Variants in ADCY2 observed in about 807,000 individuals in gnomAD.
ADCY2 encodes the protein adenylate cyclase 2.
ADCY2 carries 31 observed loss-of-function variants against 125.2 expected under a neutral mutation model. That is an observed-to-expected ratio of 0.25 (90% CI 0.19 to 0.33). ADCY2 has a LOEUF of 0.33. Among genes scored for constraint, ADCY2 ranks in the 10% least tolerant of loss-of-function variants. ADCY2 has a pLI of 1.00. For missense variants in ADCY2, 904 were observed against 1,418.2 expected, an observed-to-expected ratio of 0.64 and a Z score of 5.82; for synonymous variants, 512 against 548.4, an observed-to-expected ratio of 0.93 and a Z score of 0.93.
intron 7 of ADCY2, among the ~76,000 whole-genome samples, chr5:7,700,644 A>G (rs1426042424): frequency 1.3e-5 from 2 of 151,260 alleles, no homozygotes; most frequent in African/African-American, 4.8e-5. Context: ...TGAAGCGACT[A>G]AAATATTAAC....
chr5:7,580,451 T>C (rs1055927136), intron 3 of ADCY2, among the ~76,000 whole-genome samples: 2 of 152,136 alleles, frequency 1.3e-5, no homozygotes, highest in African/African-American at 4.8e-5. Flanking sequence ...GCAATGTTAA[T>C]ATATTAATGA....
At chr5:7,708,099 G>A in intron 9 of ADCY2, 1 of 360,456 alleles carries the variant, frequency 2.8e-6, no homozygotes, top group Non-Finnish European at 5.0e-6. Context: ...ATGTGTGTTA[G>A]TCGGTGTATT....
chr5:7,500,968 G>T (rs1743539322), intron 2 of ADCY2, among the ~76,000 whole-genome samples: 1 of 152,128 alleles, frequency 6.6e-6, no homozygotes, highest in African/African-American at 2.4e-5. Flanking sequence ...GGAGAGCTGT[G>T]TCTCTGAAGT....
chr5:7,736,037 G>T (rs1390976651), intron 14 of ADCY2, among the ~76,000 whole-genome samples: 1 of 152,036 alleles, frequency 6.6e-6, no homozygotes, highest in Non-Finnish European at 1.5e-5. Context: ...TGGGCAAAGG[G>T]GCAAAACCCC....
At chr5:7,621,723 G>C (rs549071744) in intron 3 of ADCY2, among the ~76,000 whole-genome samples, 1 of 152,176 alleles carries the variant, frequency 6.6e-6, no homozygotes, top group Non-Finnish European at 1.5e-5. Flanking sequence ...ATAATAATTT[G>C]CTAGTAGATA....
chr5:7,511,000 T>C (rs4621529), intron 2 of ADCY2, among the ~76,000 whole-genome samples: 149,724 of 152,284 alleles, frequency 0.98, 73,655 homozygotes, highest in Middle Eastern at 1. Context: ...ACTTCCACGT[T>C]GCTGAGAACC....
chr5:7,746,893 C>T (rs760508150), intron 15 of ADCY2, among the ~76,000 whole-genome samples: 5 of 152,092 alleles, frequency 3.3e-5, no homozygotes, highest in Non-Finnish European at 4.4e-5. Context: ...GCACAGAAAG[C>T]GTAATGCCAA....
chr5:7,727,013 G>A, intron 13 of ADCY2, 151 bp from the exon 14 acceptor site: 2 of 598,722 alleles, frequency 3.3e-6, no homozygotes, highest in South Asian at 2.1e-5. Context: ...TCATTGCTGA[G>A]ATGAACAGGC....
chr5:7,788,449 G>A (rs1744151658), intron 19 of ADCY2, among the ~76,000 whole-genome samples: 1 of 152,100 alleles, frequency 6.6e-6, no homozygotes, highest in East Asian at 1.9e-4. Context: ...CAAAGTGCTG[G>A]GATTACAGGC....
intron 4 of ADCY2, among the ~76,000 whole-genome samples, chr5:7,676,809 C>T (rs1740141957): frequency 6.6e-6 from 1 of 152,114 alleles, no homozygotes; most frequent in African/African-American, 2.4e-5. Context: ...TACGTTTGGA[C>T]AAGAATGAAC....
rs1183748668 is a variant in ADCY2 at position 7,690,857 on chromosome 5, C to G, written c.869+18C>G. 3 of 1,529,538 alleles carry G rather than the reference C, an allele frequency of 2.0e-6. No homozygotes were observed. Among genetic ancestry groups the G allele is most frequent in the Admixed American group, 2.1e-5 (1 of 47,458 alleles). The allele number at this position is 1,529,538 out of a possible 1,614,324, so 94.7% of individuals were successfully genotyped here. ...AACGTGAGGTACGACGCTATGCTTG[C>G]TCCTTGGCTGGTCTGGGAGTCTGCC... is the stretch of plus-strand genomic sequence containing the variant. On this transcript the variant is annotated intron_variant, in intron 5 of 24. Transcript: ENST00000338316.
At chr5:7,522,863 T>G (rs1744504526) in intron 3 of ADCY2, among the ~76,000 whole-genome samples, 2 of 151,024 alleles carry the variant, frequency 1.3e-5, no homozygotes, top group Non-Finnish European at 2.9e-5. Flanking sequence ...GAGGCGGAGC[T>G]TGCAGTGAGC....
chr5:7,615,169 G>A (rs1004268080), intron 3 of ADCY2, among the ~76,000 whole-genome samples: 12 of 152,106 alleles, frequency 7.9e-5, no homozygotes, highest in Admixed American at 2.0e-4. Context: ...CTGCCCCCAT[G>A]GTCCAATCAT....
chr5:7,614,069 G>T (rs754789758), intron 3 of ADCY2, among the ~76,000 whole-genome samples: 10 of 152,146 alleles, frequency 6.6e-5, no homozygotes, highest in African/African-American at 9.7e-5. Context: ...AATCAATAAT[G>T]CATCTTTAAT....
At chr5:7,608,690 A>G (rs1158228438) in intron 3 of ADCY2, among the ~76,000 whole-genome samples, 1 of 152,232 alleles carries the variant, frequency 6.6e-6, no homozygotes, top group African/African-American at 2.4e-5. Flanking sequence ...GCCCCTCATG[A>G]AAATCTAATG....
At position 7,738,085 on chromosome 5, in the gene ADCY2, A is replaced by G. The variant is rs141924467; in HGVS notation, c.1872-5583A>G. 1.6e-3 allele frequency among the ~76,000 whole-genome samples: 249 copies of G among 152,280 alleles called. 2 individuals carry two copies. Among genetic ancestry groups the G allele is most frequent in the African/African-American group, 5.7e-3 (235 of 41,574 alleles). ...GTCAGAAGGAAAAAGGAATCTAAGG[A>G]AGGAATGGAAAGTATTGGACATGCT... On this transcript the variant is annotated intron_variant, in intron 14 of 24. Coordinates refer to ENST00000338316, the MANE Select transcript of ADCY2 (RefSeq NM_020546.3).
chr5:7,645,153 A>G (rs112583820), intron 4 of ADCY2, among the ~76,000 whole-genome samples: 5 of 152,294 alleles, frequency 3.3e-5, no homozygotes, highest in African/African-American at 1.2e-4. Context: ...TACCTGCCTT[A>G]GTCAAGTTGT....
intron 2 of ADCY2, among the ~76,000 whole-genome samples, chr5:7,430,574 G>GATATACTATATATATA (rs1740559581): frequency 6.8e-6 from 1 of 148,032 alleles, no homozygotes; most frequent in African/African-American, 2.5e-5. Flanking sequence ...TATATATAGT[G>GATATACTATATATATA]TATATATATA....
At chr5:7,540,286 TA>T (rs1734952308) in intron 3 of ADCY2, among the ~76,000 whole-genome samples, 1 of 145,006 alleles carries the variant, frequency 6.9e-6, no homozygotes, top group Non-Finnish European at 1.5e-5. Context: ...CATGTTTACC[TA>T]TGTAACAAAC....
Sources: gnomAD v4.1 joint callset for allele counts (sites outside exome capture counted in the v4.1 genomes callset) on GRCh38, gnomAD v4.1.1 for gene constraint, MANE v1.5 for transcripts, NCBI Gene and HGNC (gene_info 2026-07-23, HGNC 2026-07-21) for gene names.